NCAM2: variants seen among roughly 807,000 people sequenced by gnomAD.
NCAM2 encodes neural cell adhesion molecule 2, also known as N-CAM-2.
Under a neutral mutation model 98.1 loss-of-function variants are expected in NCAM2, and 30 were observed. That is an observed-to-expected ratio of 0.31 (90% CI 0.23 to 0.41). The LOEUF (loss-of-function observed/expected upper bound fraction) is 0.41, where lower values mean the gene tolerates loss of function less well. Ranked by LOEUF, NCAM2 falls within the 10% of genes least tolerant of loss-of-function variation. NCAM2 has a pLI of 1.00. For missense variants in NCAM2, 867 were observed against 1,005.8 expected, an observed-to-expected ratio of 0.86 and a Z score of 1.87; for synonymous variants, 368 against 342.4, an observed-to-expected ratio of 1.07 and a Z score of -0.83.
chr21:21,434,854 C>A (rs2146044097), intron 12 of NCAM2, among the ~76,000 whole-genome samples: 1 of 152,180 alleles, frequency 6.6e-6, no homozygotes, highest in South Asian at 2.1e-4. Flanking sequence ...TGAACTGCAT[C>A]TTGTCTTGGG....
intron 1 of NCAM2, among the ~76,000 whole-genome samples, chr21:21,170,245 A>G (rs1379068578): frequency 1.3e-5 from 2 of 152,168 alleles, no homozygotes; most frequent in East Asian, 1.9e-4. Context: ...CAGCAGTTTT[A>G]CTCCTTGGTA....
intron 1 of NCAM2, among the ~76,000 whole-genome samples, chr21:21,265,089 TTATA>T (rs1254220967): frequency 2.6e-5 from 2 of 77,502 alleles, no homozygotes; most frequent in Non-Finnish European, 4.7e-5. Context: ...CACACATATA[TTATA>T]TATACATATA....
chr21:21,246,786 A>G lies in NCAM2; in HGVS notation c.56-33792A>G, dbSNP rs570632690. ...TTAAATTTAAACATGCATTTTTGAA[A>G]CTTTTCAGAAAACTGTCAATTATAT... On this transcript the variant is annotated intron_variant, in intron 1 of 17. Coordinates refer to ENST00000400546, the MANE Select transcript of NCAM2 (RefSeq NM_004540.5). 2.6e-5 allele frequency among the ~76,000 whole-genome samples: 4 copies of G among 152,296 alleles called. No homozygotes were observed. The South Asian group carries it at 8.3e-4, about 32-fold the overall frequency.
At chr21:21,059,220 G>C (rs759646077) in intron 1 of NCAM2, among the ~76,000 whole-genome samples, 14 of 151,904 alleles carry the variant, frequency 9.2e-5, no homozygotes, top group Non-Finnish European at 1.6e-4. Context: ...ATAAAGGCAG[G>C]GAGAGGACTA....
chr21:21,170,996 G>A (rs944585199), intron 1 of NCAM2, among the ~76,000 whole-genome samples: 6 of 152,120 alleles, frequency 3.9e-5, no homozygotes, highest in African/African-American at 1.2e-4. Context: ...CATTTAAAGG[G>A]TTTTGGAAAC....
intron 8 of NCAM2, among the ~76,000 whole-genome samples, chr21:21,360,442 ACTAT>A (rs775605556): frequency 5.3e-5 from 8 of 152,052 alleles, no homozygotes; most frequent in South Asian, 2.1e-4. Flanking sequence ...TTTTTGTCTG[ACTAT>A]CTAAGTCTTT....
chr21:21,307,193 T>C lies in NCAM2; in HGVS notation c.619+14952T>C, dbSNP rs1035653990. Among the ~76,000 whole-genome samples the C allele has an allele frequency of 2.0e-5, 3 of 152,074 alleles. No homozygotes were observed. The South Asian group carries it at 6.2e-4, about 32-fold the overall frequency. ...TGTATTGTCTGATATCTGTTCATAG[T>C]TTTATTTTTCTTCTGTTTCTTCATT... On this transcript the variant is annotated intron_variant, in intron 5 of 17. Coordinates refer to ENST00000400546, the MANE Select transcript of NCAM2 (RefSeq NM_004540.5).
intron 1 of NCAM2, among the ~76,000 whole-genome samples, chr21:21,023,258 T>C (rs1374777999): frequency 6.6e-6 from 1 of 152,176 alleles, no homozygotes; most frequent in East Asian, 1.9e-4. Flanking sequence ...GTGCGGTGGC[T>C]CACGCCTGTA....
intron 1 of NCAM2, among the ~76,000 whole-genome samples, chr21:21,195,166 G>A (rs1461893873): frequency 3.3e-5 from 5 of 152,042 alleles, no homozygotes; most frequent in Admixed American, 3.3e-4. Flanking sequence ...TGTTCGTATT[G>A]CTATATTTTG....
intron 1 of NCAM2, among the ~76,000 whole-genome samples, chr21:21,132,707 A>T (rs574521803): frequency 6.6e-6 from 1 of 152,246 alleles, no homozygotes; most frequent in African/African-American, 2.4e-5. Flanking sequence ...TATTATCAGC[A>T]TAGATAAATC....
chr21:21,232,965 T>C (rs2070687743), intron 1 of NCAM2, among the ~76,000 whole-genome samples: 1 of 151,648 alleles, frequency 6.6e-6, no homozygotes, highest in Non-Finnish European at 1.5e-5. Flanking sequence ...TCTATATTTC[T>C]ACTTTTCCTT....
chr21:21,469,059 C>T (rs184291472), intron 14 of NCAM2, among the ~76,000 whole-genome samples: 61 of 151,812 alleles, frequency 4.0e-4, no homozygotes, highest in Non-Finnish European at 7.5e-4. Flanking sequence ...GATATTATTT[C>T]CCCTGTTTTG....
At chr21:21,073,220 A>G (rs957874440) in intron 1 of NCAM2, among the ~76,000 whole-genome samples, 23 of 152,134 alleles carry the variant, frequency 1.5e-4, no homozygotes, top group African/African-American at 4.8e-4. Flanking sequence ...CCATTTATCT[A>G]TTGATGGACA....
At chr21:21,327,699 C>G (rs1051367634) in intron 6 of NCAM2, among the ~76,000 whole-genome samples, 1 of 152,132 alleles carries the variant, frequency 6.6e-6, no homozygotes, top group African/African-American at 2.4e-5. Context: ...TAAGGCCTCA[C>G]TCTTATACTC....
intron 1 of NCAM2, among the ~76,000 whole-genome samples, chr21:21,046,295 GC>G (rs1568963498): frequency 6.6e-6 from 1 of 152,110 alleles, no homozygotes; most frequent in African/African-American, 2.4e-5. Flanking sequence ...CATGCAAATG[GC>G]AGGGGATTAG....
rs537992918 is a variant in NCAM2, at chr21:21,309,283, G to A, written c.620-15100G>A. Among the ~76,000 whole-genome samples, 12 of 151,582 alleles carry A rather than the reference G, an allele frequency of 7.9e-5. No individual in the cohort carries two copies. In the South Asian group the frequency reaches 2.5e-3, roughly 32 times the overall value. ...TCTTTATCTGCTGTTTTTTTGTTTT[G>A]TTGTTCTTTTCAATATTTTAGACCT... On this transcript the variant is annotated intron_variant, in intron 5 of 17. Coordinates refer to ENST00000400546, the MANE Select transcript of NCAM2 (RefSeq NM_004540.5).
At chr21:21,395,204 G>A (rs762695097) in intron 9 of NCAM2, among the ~76,000 whole-genome samples, 11 of 152,056 alleles carry the variant, frequency 7.2e-5, no homozygotes, top group Non-Finnish European at 8.8e-5. Context: ...GCCTGGTGGC[G>A]CATGCCTATA....
At chr21:21,293,276 A>G (rs77323278) in intron 5 of NCAM2, among the ~76,000 whole-genome samples, 1 of 148,242 alleles carries the variant, frequency 6.7e-6, no homozygotes, top group Non-Finnish European at 1.5e-5. Flanking sequence ...TTTCCATGAG[A>G]GTGGTGATCT....
intron 8 of NCAM2, among the ~76,000 whole-genome samples, chr21:21,365,052 A>G (rs765413562): frequency 4.6e-5 from 7 of 152,106 alleles, no homozygotes; most frequent in Admixed American, 2.6e-4. Context: ...GAATGCTTCA[A>G]TTGTTTTCCC....
Sources: gnomAD v4.1 joint callset for allele counts (sites outside exome capture counted in the v4.1 genomes callset) on GRCh38, gnomAD v4.1.1 for gene constraint, MANE v1.5 for transcripts, NCBI Gene and HGNC (gene_info 2026-07-23, HGNC 2026-07-21) for gene names.